AKAP13: variants seen among roughly 807,000 people sequenced by gnomAD.
AKAP13 encodes the protein A-kinase anchoring protein 13, also known as A-kinase anchor protein 13.
Under a neutral mutation model 264.5 loss-of-function variants are expected in AKAP13, and 80 were observed. The observed-to-expected ratio is 0.30, with a 90% CI of 0.25 to 0.36. The LOEUF (loss-of-function observed/expected upper bound fraction) is 0.36. Among genes scored for constraint, AKAP13 ranks in the 10% least tolerant of loss-of-function variants. The probability of loss-of-function intolerance (pLI) is 1.00; values close to 1 mark genes in which losing one functional copy is unlikely to be tolerated. For missense variants in AKAP13, 3,712 were observed against 3,435.2 expected, an observed-to-expected ratio of 1.08 and a Z score of -2.01; for synonymous variants, 1,380 against 1,250.2, an observed-to-expected ratio of 1.10 and a Z score of -2.19.
intron 1 of AKAP13, among the ~76,000 whole-genome samples, chr15:85,450,000 T>C (rs2074027271): frequency 6.6e-6 from 1 of 152,194 alleles, no homozygotes; most frequent in Non-Finnish European, 1.5e-5. Context: ...TGGTACCAGC[T>C]CTTCTTTGTA....
chr15:85,520,681 G>A (rs1005431463), intron 2 of AKAP13: 1 of 518,854 alleles, frequency 1.9e-6, no homozygotes, highest in African/African-American at 1.9e-5. Context: ...TATTAGAAAA[G>A]CAGCCTCCTA....
Position 85,525,310 on chromosome 15 carries a change from G to A in AKAP13, c.181+3735G>A, listed in dbSNP as rs182840770. Among the ~76,000 whole-genome samples the A allele has an allele frequency of 2.0e-5, 3 of 152,148 alleles. No individual in the cohort carries two copies. The East Asian group carries it at 5.8e-4, about 29-fold the overall frequency. On this transcript the variant is annotated intron_variant, in intron 3 of 36. Transcript: ENST00000394518. The stretch of plus-strand genomic sequence containing the variant: ...CCTGACCTCGTGATCCACCTGCCTT[G>A]GCCTCCCAAAGTGCTGGGATTACAG...
chr15:85,680,665 G>A (rs113023395), intron 14 of AKAP13, among the ~76,000 whole-genome samples: 3,882 of 152,208 alleles, frequency 0.026, 87 homozygotes, highest in Non-Finnish European at 0.033. Flanking sequence ...AGGGGTTCAA[G>A]ACCAGCCTGG....
At chr15:85,504,718 C>T (rs2076155281) in intron 2 of AKAP13, among the ~76,000 whole-genome samples, 1 of 148,674 alleles carries the variant, frequency 6.7e-6, no homozygotes, top group Non-Finnish European at 1.5e-5. Context: ...AAAAAAAATC[C>T]TTACATGTCT....
intron 1 of AKAP13, among the ~76,000 whole-genome samples, 188 bp downstream of exon 1, chr15:85,380,986 G>A (rs992860152): frequency 1.3e-5 from 2 of 152,056 alleles, no homozygotes; most frequent in Non-Finnish European, 2.9e-5. Flanking sequence ...TCAGGTCTGC[G>A]GACCCCTCCT....
At chr15:85,472,344 A>C (rs1179083259) in intron 1 of AKAP13, among the ~76,000 whole-genome samples, 2 of 151,360 alleles carry the variant, frequency 1.3e-5, no homozygotes, top group Non-Finnish European at 2.9e-5. Context: ...CATCTCTTAA[A>C]AAAAAAAAAA....
intron 3 of AKAP13, among the ~76,000 whole-genome samples, chr15:85,533,353 A>G (rs2279167): frequency 0.12 from 18,271 of 152,230 alleles, 1,301 homozygotes; most frequent in East Asian, 0.31. Context: ...GCTGGGATAC[A>G]AAGTTTTTTG....
chr15:85,669,937 T>C, intron 14 of AKAP13, 107 bp downstream of exon 14: 1 of 732,274 alleles, frequency 1.4e-6, no homozygotes, highest in Non-Finnish European at 2.2e-6. Context: ...AAAATTTGCT[T>C]ACTACTTCTT....
intron 8 of AKAP13, among the ~76,000 whole-genome samples, chr15:85,606,056 TC>T (rs1472444986): frequency 6.6e-6 from 1 of 151,050 alleles, no homozygotes; most frequent in Non-Finnish European, 1.5e-5. Context: ...TAAAGGAGCT[TC>T]TGAATCTAGA....
In AKAP13 at chr15:85,735,044, G is replaced by A. The variant is rs114344066; in HGVS notation, c.7335G>A (p.Pro2445=). The change falls in exon 31 of 37, where the codon CCG becomes CCA. Residue 2445 remains proline (P), a synonymous_variant. Transcript: ENST00000394518. The part of the protein sequence containing the change: ...VSGNLGGTLG[P]TVSSPIEQDV... ...GAAATCTGGGAGGCACACTTGGGCC[G>A]ACTGTCAGCAGCCCCATTGAGCAAG... 18 of 1,614,166 alleles carry A rather than the reference G, an allele frequency of 1.1e-5. No homozygotes were observed. The highest frequency in any genetic ancestry group is 5.0e-5 in the Admixed American group (3 of 60,016).
chr15:85,553,448 T>C (rs1047027879), intron 5 of AKAP13, among the ~76,000 whole-genome samples: 2 of 152,234 alleles, frequency 1.3e-5, no homozygotes, highest in South Asian at 2.1e-4. Flanking sequence ...TTAATAAAGA[T>C]AAAATGTTCT....
At chr15:85,737,678 C>T in intron 33 of AKAP13, among the ~76,000 whole-genome samples, 1 of 152,176 alleles carries the variant, frequency 6.6e-6, no homozygotes, top group African/African-American at 2.4e-5. Flanking sequence ...ATGGAAGCTA[C>T]TTGCTCTCTG....
In AKAP13 at chr15:85,581,426, G is replaced by A. The variant is rs757567881; in HGVS notation, c.3358G>A (p.Val1120Ile). ...HNTQDILIPN[V>I]LLSQEKNAVL... ...CACCCAAGACATCCTGATTCCAAACGTCTTGTTGAGCCAAGAGAAGAATGC... is the reference window on the plus strand; with the variant it reads ...CACCCAAGACATCCTGATTCCAAACATCTTGTTGAGCCAAGAGAAGAATGC... Residue 1120 changes from valine (V) to isoleucine (I), a missense_variant, in exon 7 of 37, where the codon GTC (valine) becomes ATC (isoleucine). Val to Ile is a conservative substitution (Grantham distance 29, BLOSUM62 3). This residue lies in a region of AKAP13 where 2,759 missense variants were observed against 2,411.7 expected (regional missense o/e 1.14). Transcript: ENST00000394518. The A allele has an allele frequency of 1.1e-5, 18 of 1,614,068 alleles. No homozygotes were observed. Among genetic ancestry groups the A allele is most frequent in the South Asian group, 6.6e-5 (6 of 91,090 alleles).
chr15:85,665,992 G>T (rs962928566), intron 13 of AKAP13, among the ~76,000 whole-genome samples: 2 of 152,152 alleles, frequency 1.3e-5, no homozygotes, highest in African/African-American at 4.8e-5. Context: ...ACATACATGT[G>T]CATGTGTCTT....
At chr15:85,628,703 A>T (rs932363761) in intron 8 of AKAP13, among the ~76,000 whole-genome samples, 4 of 152,128 alleles carry the variant, frequency 2.6e-5, no homozygotes, top group South Asian at 2.1e-4. Flanking sequence ...TTTGATATTT[A>T]AAAAAATTGG....
rs11074263 is a variant in AKAP13, at chr15:85,475,191, T to C, written c.-11-10519T>C. Among the ~76,000 whole-genome samples, 175 of 152,316 alleles carry C rather than the reference T, an allele frequency of 1.1e-3. 4 individuals are homozygous for C. The East Asian group carries it at 0.016, about 14-fold the overall frequency. The stretch of plus-strand genomic sequence containing the variant: ...ATATCTATTTTAACCCCTCCTGAAG[T>C]TAATTTACATAAAACCCAGCTGTGT... On this transcript the variant is annotated intron_variant, in intron 1 of 36. Transcript: ENST00000394518.
intron 8 of AKAP13, among the ~76,000 whole-genome samples, chr15:85,630,243 A>ACACACG (rs2081685738): frequency 6.7e-6 from 1 of 150,042 alleles, no homozygotes; most frequent in Non-Finnish European, 1.5e-5. Context: ...TAACACACAC[A>ACACACG]CACACACACA....
chr15:85,448,514 C>A (rs1351704714), intron 1 of AKAP13, among the ~76,000 whole-genome samples: 1 of 152,060 alleles, frequency 6.6e-6, no homozygotes, highest in Non-Finnish European at 1.5e-5. Flanking sequence ...ACATTTAAGT[C>A]TTTAATCCAT....
intron 1 of AKAP13, among the ~76,000 whole-genome samples, chr15:85,389,619 G>A (rs1181524516): frequency 6.6e-6 from 1 of 152,190 alleles, no homozygotes; most frequent in Non-Finnish European, 1.5e-5. Flanking sequence ...ATCTTTGGGG[G>A]TATAAATAAC....
Sources: allele counts gnomAD v4.1 joint callset (sites outside exome capture counted in the v4.1 genomes callset), GRCh38; gene constraint gnomAD v4.1.1; regional missense constraint gnomAD v4.1.1; transcripts MANE v1.5; gene names NCBI Gene and HGNC (gene_info 2026-07-23, HGNC 2026-07-21).